Variants in CDH2 observed in about 807,000 individuals in gnomAD.
The protein encoded by CDH2 is cadherin-2.
Under a neutral mutation model 92.0 loss-of-function variants are expected in CDH2, and 17 were observed. The ratio of observed to expected loss-of-function variants is 0.18; its 90% CI spans 0.13 to 0.28. The LOEUF (loss-of-function observed/expected upper bound fraction) is 0.28, where lower values mean the gene tolerates loss of function less well. Among genes scored for constraint, CDH2 ranks in the 10% least tolerant of loss-of-function variants. The pLI is 1.00. For missense variants in CDH2, 862 were observed against 1,133.1 expected (o/e 0.76, Z 3.44); for synonymous variants, 419 against 415.9 (o/e 1.01, Z -0.09).
chr18:28,039,535 C>T (rs1235010850), intron 2 of CDH2, among the ~76,000 whole-genome samples: 1 of 152,046 alleles, frequency 6.6e-6, no homozygotes, highest in Non-Finnish European at 1.5e-5. Flanking sequence ...CCCCTAGGTC[C>T]CACAACTGTC....
intron 1 of CDH2, among the ~76,000 whole-genome samples, chr18:28,158,425 G>A (rs911958935): frequency 2.0e-5 from 3 of 152,220 alleles, no homozygotes; most frequent in Non-Finnish European, 4.4e-5. Context: ...TGAAGGACAA[G>A]CATTGTCCAC....
chr18:28,115,605 G>GACATC (rs1463238883), intron 2 of CDH2, among the ~76,000 whole-genome samples: 2 of 152,128 alleles, frequency 1.3e-5, no homozygotes, highest in Admixed American at 6.6e-5. Flanking sequence ...GAAGATGGCT[G>GACATC]CGGCCCTCAT....
At chr18:28,111,193 G>C (rs2015406691) in intron 2 of CDH2, among the ~76,000 whole-genome samples, 1 of 152,164 alleles carries the variant, frequency 6.6e-6, no homozygotes. Flanking sequence ...AACAGAGGAG[G>C]ACTTCTATTA....
intron 2 of CDH2, among the ~76,000 whole-genome samples, chr18:28,133,750 A>C (rs1450667793): frequency 6.6e-6 from 1 of 152,112 alleles, no homozygotes; most frequent in African/African-American, 2.4e-5. Flanking sequence ...GCAAACAAGA[A>C]GATTTATATT....
intron 2 of CDH2, among the ~76,000 whole-genome samples, chr18:28,059,863 T>C (rs1050829392): frequency 6.6e-6 from 1 of 152,208 alleles, no homozygotes; most frequent in African/African-American, 2.4e-5. Context: ...AATCTATGTA[T>C]TCTTCATCCT....
intron 2 of CDH2, among the ~76,000 whole-genome samples, chr18:28,015,593 T>C (rs2013222720): frequency 6.6e-6 from 1 of 152,234 alleles, no homozygotes; most frequent in Admixed American, 6.5e-5. Flanking sequence ...AAAGTACTTT[T>C]TTATATTACA....
At chr18:28,008,289 C>T (rs1350295262) in intron 5 of CDH2, among the ~76,000 whole-genome samples, 3 of 152,022 alleles carry the variant, frequency 2.0e-5, no homozygotes, top group African/African-American at 4.8e-5. Context: ...CTTTGTGAGA[C>T]GTTTGGAAGT....
chr18:27,978,807 C>T (rs1372611298), intron 14 of CDH2, among the ~76,000 whole-genome samples: 1 of 151,934 alleles, frequency 6.6e-6, no homozygotes, highest in Non-Finnish European at 1.5e-5. Flanking sequence ...TATGAGCTAC[C>T]ATGCCTGGTT....
At chr18:28,036,385 C>CATAA in intron 2 of CDH2, 1 of 763,882 alleles carries the variant, frequency 1.3e-6, no homozygotes, top group South Asian at 1.4e-5. Context: ...GTACTTTGTA[C>CATAA]ATAAGTCTTC....
At chr18:28,151,945 T>G (rs2016129312) in intron 1 of CDH2, among the ~76,000 whole-genome samples, 1 of 152,226 alleles carries the variant, frequency 6.6e-6, no homozygotes. Context: ...TTCATTCTAA[T>G]AAAACTTCAT....
chr18:27,990,824 A>G (rs2012391839), intron 9 of CDH2, among the ~76,000 whole-genome samples: 1 of 152,234 alleles, frequency 6.6e-6, no homozygotes, highest in Admixed American at 6.5e-5. Flanking sequence ...ATTTTTAAAT[A>G]CAGCTAAACT....
rs569631888 is a variant in CDH2 at position 27,962,178 on chromosome 18, C to CAA, written c.2514+1177_2514+1178dup. Among the ~76,000 whole-genome samples, 12 of 152,264 alleles carry CAA rather than the reference C, an allele frequency of 7.9e-5. No homozygotes were observed. In the South Asian group the frequency reaches 1.4e-3, roughly 18 times the overall value. ...GGATCTATATATAACTAAGAGCTGGCAAAGTCAGGACATATTTCTGTGGAT... is the reference window on the plus strand; with the variant it reads ...GGATCTATATATAACTAAGAGCTGGCAAAAAGTCAGGACATATTTCTGTGGAT... On this transcript the variant is annotated intron_variant, in intron 15 of 15. Transcript: ENST00000269141.
Position 28,096,407 on chromosome 18 carries a change from C to CT in CDH2, c.172+51265dup, listed in dbSNP as rs200109784. 8.1e-3 allele frequency among the ~76,000 whole-genome samples: 1,121 copies of CT among 138,172 alleles called. 11 individuals are homozygous for CT. The highest frequency in any genetic ancestry group is 0.024 in the African/African-American group (891 of 37,580). 90.6% of individuals were successfully genotyped at this position (138,172 alleles called of 152,430 possible). ...TTTATGGCTGCCAAGGAGGCAAGTT[C>CT]TTTTTTTTTTTTTTTAACATAACAC... is the stretch of plus-strand genomic sequence containing the variant. On this transcript the variant is annotated intron_variant, in intron 2 of 15. Coordinates refer to ENST00000269141, the MANE Select transcript of CDH2 (RefSeq NM_001792.5).
chr18:28,130,607 C>G (rs1183016063), intron 2 of CDH2, among the ~76,000 whole-genome samples: 1 of 152,176 alleles, frequency 6.6e-6, no homozygotes, highest in Non-Finnish European at 1.5e-5. Context: ...TGGCACAAGT[C>G]CTGAGAAAAT....
intron 2 of CDH2, among the ~76,000 whole-genome samples, chr18:28,079,782 T>C (rs1320553939): frequency 1.3e-5 from 2 of 152,178 alleles, no homozygotes; most frequent in Admixed American, 6.6e-5. Context: ...TGTTCTAGCA[T>C]GTGTAGTGGG....
chr18:27,957,596 A>T (rs17467948), intron 15 of CDH2, among the ~76,000 whole-genome samples: 1 of 152,196 alleles, frequency 6.6e-6, no homozygotes, highest in Non-Finnish European at 1.5e-5. Context: ...AGATTGTGAC[A>T]TCCCTTTCTA....
intron 2 of CDH2, among the ~76,000 whole-genome samples, chr18:28,085,935 T>G (rs945389609): frequency 6.6e-6 from 1 of 152,198 alleles, no homozygotes; most frequent in Non-Finnish European, 1.5e-5. Context: ...GGTTATTAAC[T>G]ACCACTGTAC....
At chr18:28,153,184 G>A (rs1287044722) in intron 1 of CDH2, among the ~76,000 whole-genome samples, 1 of 152,132 alleles carries the variant, frequency 6.6e-6, no homozygotes, top group East Asian at 1.9e-4. Context: ...GTGGAAAAGG[G>A]CATTCCAGGC....
intron 2 of CDH2, among the ~76,000 whole-genome samples, chr18:28,044,890 C>T (rs2014042598): frequency 7.4e-6 from 1 of 134,406 alleles, no homozygotes. Flanking sequence ...TAAACAGGTC[C>T]TGGCACATAG....
Sources: allele counts gnomAD v4.1 joint callset (sites outside exome capture counted in the v4.1 genomes callset), GRCh38; gene constraint gnomAD v4.1.1; transcripts MANE v1.5; gene names NCBI Gene and HGNC (gene_info 2026-07-23, HGNC 2026-07-21).